The following TENM2 variants were observed in gnomAD, a reference collection of about 807,000 sequenced individuals.
TENM2 encodes the protein teneurin-2.
Under a neutral mutation model 245.2 loss-of-function variants are expected in TENM2, and 52 were observed. That is an observed-to-expected ratio of 0.21 (90% CI 0.17 to 0.27). TENM2 has a LOEUF of 0.27. Ranked by LOEUF, TENM2 falls within the 10% of genes least tolerant of loss-of-function variation. TENM2 has a pLI of 1.00. For missense variants in TENM2, 3,046 were observed against 3,666.8 expected, an observed-to-expected ratio of 0.83 and a Z score of 4.37; for synonymous variants, 1,363 against 1,438.9, an observed-to-expected ratio of 0.95 and a Z score of 1.19.
chr5:167,028,269 G>T, the TENM2 span, among the ~76,000 whole-genome samples: 22 of 151,952 alleles, frequency 1.4e-4, no homozygotes, highest in African/African-American at 5.3e-4. Flanking sequence ...TAAGTTGTTT[G>T]TAATTTTTTA....
At chr5:167,389,223 T>G (rs1316201683) in intron 2 of TENM2, among the ~76,000 whole-genome samples, 2 of 148,756 alleles carry the variant, frequency 1.3e-5, no homozygotes, top group Non-Finnish European at 3.0e-5. Flanking sequence ...GCAAAGCATA[T>G]GTGCGTATAT....
At chr5:167,673,518 A>G (rs1210751942) in intron 2 of TENM2, among the ~76,000 whole-genome samples, 1 of 152,116 alleles carries the variant, frequency 6.6e-6, no homozygotes, top group African/African-American at 2.4e-5. Flanking sequence ...AACATCCACT[A>G]TGTAAACTAT....
At chr5:167,649,496 T>C (rs1325909010) in intron 2 of TENM2, among the ~76,000 whole-genome samples, 1 of 152,138 alleles carries the variant, frequency 6.6e-6, no homozygotes, top group Non-Finnish European at 1.5e-5. Context: ...GACAAAGAGA[T>C]AATTTTCAGT....
At chr5:167,439,221 C>G (rs185214520) in intron 2 of TENM2, among the ~76,000 whole-genome samples, 91 of 152,240 alleles carry the variant, frequency 6.0e-4, no homozygotes, top group Middle Eastern at 3.4e-3. Flanking sequence ...ATAATGTAGG[C>G]TGATAACTTT....
chr5:168,012,684 G>A (rs1364650085), intron 5 of TENM2, among the ~76,000 whole-genome samples: 3 of 150,202 alleles, frequency 2.0e-5, no homozygotes, highest in African/African-American at 7.4e-5. Context: ...TGAAGGTGAG[G>A]GGGCAATTCC....
At chr5:167,732,914 C>T (rs1235576797) in intron 2 of TENM2, among the ~76,000 whole-genome samples, 1 of 152,136 alleles carries the variant, frequency 6.6e-6, no homozygotes, top group East Asian at 1.9e-4. Context: ...TTAACCATGC[C>T]ATGTGTTCAC....
chr5:167,253,168 G>A, the TENM2 span, among the ~76,000 whole-genome samples: 7 of 151,670 alleles, frequency 4.6e-5, no homozygotes, highest in Non-Finnish European at 1.0e-4. Context: ...TTGGCTCAGT[G>A]CAGCCTCCAC....
the TENM2 span, among the ~76,000 whole-genome samples, chr5:167,114,316 G>A: frequency 6.6e-6 from 1 of 151,998 alleles, no homozygotes; most frequent in East Asian, 1.9e-4. Flanking sequence ...TTAAATTATT[G>A]CTTCATTTTT....
rs761802022 is a variant in TENM2 at position 168,262,485 on chromosome 5, A to G, written c.8000A>G (p.Asn2667Ser). 31 of 1,559,912 alleles carry G rather than the reference A, an allele frequency of 2.0e-5. No homozygotes were observed. The highest frequency in any genetic ancestry group is 2.6e-5 in the Non-Finnish European group (30 of 1,152,302). Reference sequence around the variant, plus strand: ...AACGGCAGGACTCGAAGGTTCACGAACATTGAGTTCCAGTACTCCACGCTG... The same window carrying G: ...AACGGCAGGACTCGAAGGTTCACGAGCATTGAGTTCCAGTACTCCACGCTG... Residue 2667 changes from asparagine (N) to serine (S), a missense_variant, in exon 29 of 29, where the codon AAC becomes AGC. By Grantham distance (46) the Asn-to-Ser change is conservative (BLOSUM62 1). This residue lies in a region of TENM2 where 2,704 missense variants were observed against 3,331.9 expected (regional missense o/e 0.81). Transcript: ENST00000518659.
chr5:167,816,101 C>T (rs1043990337), intron 2 of TENM2, among the ~76,000 whole-genome samples: 1 of 151,650 alleles, frequency 6.6e-6, no homozygotes, highest in African/African-American at 2.4e-5. Flanking sequence ...GAAACCTTAC[C>T]TTCACTGGTG....
intron 2 of TENM2, among the ~76,000 whole-genome samples, chr5:167,659,170 C>T (rs983506587): frequency 3.9e-5 from 6 of 152,112 alleles, no homozygotes; most frequent in South Asian, 2.1e-4. Flanking sequence ...GATTATATTG[C>T]GGGAGCAGTT....
At chr5:167,987,655 T>C (rs1783351490) in intron 4 of TENM2, among the ~76,000 whole-genome samples, 1 of 152,016 alleles carries the variant, frequency 6.6e-6, no homozygotes, top group Non-Finnish European at 1.5e-5. Flanking sequence ...ACTCCCAGAC[T>C]CCACCCCATA....
At chr5:167,077,187 T>C in the TENM2 span, among the ~76,000 whole-genome samples, 1 of 152,210 alleles carries the variant, frequency 6.6e-6, no homozygotes, top group Non-Finnish European at 1.5e-5. Flanking sequence ...TCACAAAATA[T>C]TTTGTTGGAA....
intron 12 of TENM2, chr5:168,130,540 A>G (rs1404317773): frequency 1.3e-5 from 2 of 152,238 alleles, no homozygotes; most frequent in Non-Finnish European, 2.9e-5. Context: ...TTCTTTAAAC[A>G]TAATTTTAAA....
intron 2 of TENM2, among the ~76,000 whole-genome samples, chr5:167,753,359 A>C (rs1218859860): frequency 6.6e-6 from 1 of 152,156 alleles, no homozygotes; most frequent in African/African-American, 2.4e-5. Flanking sequence ...TTCCTAATAG[A>C]CCTGGGGTAA....
At chr5:167,585,191 G>T (rs1327361655) in intron 2 of TENM2, among the ~76,000 whole-genome samples, 1 of 152,084 alleles carries the variant, frequency 6.6e-6, no homozygotes, top group African/African-American at 2.4e-5. Flanking sequence ...AAGTAGATCC[G>T]GATCCTTAAT....
chr5:168,199,760 T>A, intron 16 of TENM2, 104 bp from the exon 19 acceptor site: 1 of 1,248,474 alleles, frequency 8.0e-7, no homozygotes, highest in South Asian at 1.4e-5. Flanking sequence ...CCACATAAGA[T>A]GTGATGCCTC....
chr5:168,227,870 C>T (rs761559884), intron 24 of TENM2, 25 bp from the exon 27 acceptor site: 88 of 1,478,500 alleles, frequency 6.0e-5, no homozygotes, highest in Non-Finnish European at 7.7e-5. Context: ...TTTCCCTATC[C>T]CCACCCCCAC....
intron 3 of TENM2, among the ~76,000 whole-genome samples, chr5:167,921,083 A>G (rs1476528780): frequency 6.6e-6 from 1 of 152,258 alleles, no homozygotes; most frequent in Non-Finnish European, 1.5e-5. Flanking sequence ...CTTAGGCCTT[A>G]TATCAAATCA....
Sources: gnomAD v4.1 joint callset for allele counts (sites outside exome capture counted in the v4.1 genomes callset) on GRCh38, gnomAD v4.1.1 for gene constraint, gnomAD v4.1.1 regional missense constraint, MANE v1.5 for transcripts, NCBI Gene and HGNC (gene_info 2026-07-23, HGNC 2026-07-21) for gene names.